Variants in CFAP221 observed in about 807,000 individuals in gnomAD.
The protein encoded by CFAP221 is cilia and flagella associated protein 221, also known as cilia- and flagella-associated protein 221.
CFAP221 carries 97 observed loss-of-function variants against 113.1 expected under a neutral mutation model. The observed-to-expected ratio is 0.86, with a 90% CI of 0.73 to 1.02. The LOEUF (loss-of-function observed/expected upper bound fraction) is 1.02, where lower values mean the gene tolerates loss of function less well. Ranked by LOEUF, CFAP221 falls within the 50% of genes least tolerant of loss-of-function variation. The pLI is 0.00. For missense variants in CFAP221, 1,025 were observed against 1,013.4 expected (o/e 1.01, Z -0.16); for synonymous variants, 331 against 354.4 (o/e 0.93, Z 0.74).
At chr2:119,546,035 A>G in intron 1 of CFAP221, 50 bp from the exon 2 acceptor site, 1 of 1,302,128 alleles carries the variant, frequency 7.7e-7, no homozygotes, top group Non-Finnish European at 1.0e-6. Context: ...AAGAGAAAAA[A>G]TGTGCGTGGT....
chr2:119,631,896 A>G (rs994602948), intron 19 of CFAP221, among the ~76,000 whole-genome samples: 1 of 152,240 alleles, frequency 6.6e-6, no homozygotes, highest in African/African-American at 2.4e-5. Context: ...TATGCCAGTA[A>G]ATTTGATGAC....
intron 19 of CFAP221, 146 bp from the exon 20 acceptor site, chr2:119,638,113 C>T: frequency 2.7e-6 from 2 of 734,312 alleles, no homozygotes; most frequent in Non-Finnish European, 4.3e-6. Context: ...CTCTGCTCTC[C>T]TGCTTCTCTT....
intron 6 of CFAP221, among the ~76,000 whole-genome samples, chr2:119,571,280 C>G (rs947733465): frequency 6.6e-6 from 1 of 151,398 alleles, no homozygotes; most frequent in Admixed American, 6.6e-5. Flanking sequence ...GCTGGGACTA[C>G]AGGTGTGCGA....
intron 19 of CFAP221, among the ~76,000 whole-genome samples, chr2:119,637,481 C>T (rs377394830): frequency 2.0e-5 from 3 of 152,232 alleles, no homozygotes; most frequent in South Asian, 4.1e-4. Context: ...GCGTTTTTAA[C>T]TTGTTTTTAA....
rs1440392558 is a variant in CFAP221 at position 119,567,716 on chromosome 2, A to G, written c.527+5602A>G. ...TACCAAACTATCTTCCAAAATGTCT[A>G]CAGTGATCTACTCTGATGATTTCCT... On this transcript the variant is annotated intron_variant, in intron 6 of 23. Coordinates refer to ENST00000413369, the MANE Select transcript of CFAP221 (RefSeq NM_001271049.2). Among the ~76,000 whole-genome samples the G allele has an allele frequency of 3.3e-5, 5 of 152,338 alleles. No individual in the cohort carries two copies. The South Asian group carries it at 1.0e-3, about 32-fold the overall frequency.
At chr2:119,637,576 C>T (rs1048896334) in intron 19 of CFAP221, among the ~76,000 whole-genome samples, 7 of 152,090 alleles carry the variant, frequency 4.6e-5, no homozygotes, top group African/African-American at 1.7e-4. Flanking sequence ...CAGGGAGGGG[C>T]GCTACGTTGT....
chr2:119,573,181 C>A (rs1460531440), intron 6 of CFAP221: 1 of 152,196 alleles, frequency 6.6e-6, no homozygotes, highest in Admixed American at 6.5e-5. Context: ...TTGCATTGTG[C>A]CAATAAACAG....
At chr2:119,640,214 C>A (rs202122462) in intron 21 of CFAP221, among the ~76,000 whole-genome samples, 108 of 143,212 alleles carry the variant, frequency 7.5e-4, no homozygotes, top group East Asian at 1.2e-3. Context: ...CATCTCAAAA[C>A]AAAAAAAAAA....
intron 19 of CFAP221, 83 bp from the exon 20 acceptor site, chr2:119,638,176 A>G (rs754567303): frequency 6.9e-7 from 1 of 1,453,854 alleles, no homozygotes; most frequent in South Asian, 1.2e-5. Flanking sequence ...TGGGAGCCAC[A>G]GACAGCATTA....
At position 119,638,328 on chromosome 2, in the gene CFAP221, C is replaced by T; in HGVS notation, c.2044C>T (p.Leu682=). ...TGCAGAAACGTTGATAGATTACCATCTATGCTCTCACCCCAAGTACAAATT... is the reference window on the plus strand; with the variant it reads ...TGCAGAAACGTTGATAGATTACCATTTATGCTCTCACCCCAAGTACAAATT... The part of the protein sequence containing the change: ...TYAETLIDYH[L]CSHPKYKFTK... The change falls in exon 20 of 24, where the codon CTA becomes TTA. Residue 682 remains leucine (L), a synonymous_variant. Coordinates refer to ENST00000413369, the MANE Select transcript of CFAP221 (RefSeq NM_001271049.2). 2 of 1,614,036 alleles carry T rather than the reference C, an allele frequency of 1.2e-6. No homozygotes were observed. The highest frequency in any genetic ancestry group is 2.7e-5 in the African/African-American group (2 of 75,052).
chr2:119,644,568 A>G (rs1687683575), intron 21 of CFAP221, among the ~76,000 whole-genome samples: 1 of 152,136 alleles, frequency 6.6e-6, no homozygotes, highest in Non-Finnish European at 1.5e-5. Flanking sequence ...GGGAAATGGG[A>G]TTAAAGACCA....
intron 6 of CFAP221, among the ~76,000 whole-genome samples, chr2:119,563,333 T>C (rs1303918894): frequency 6.6e-6 from 1 of 152,222 alleles, no homozygotes; most frequent in East Asian, 1.9e-4. Context: ...ACATGTTCAG[T>C]ACAGAGATAG....
intron 6 of CFAP221, among the ~76,000 whole-genome samples, chr2:119,586,314 C>G (rs1287213915): frequency 6.6e-6 from 1 of 152,126 alleles, no homozygotes; most frequent in Non-Finnish European, 1.5e-5. Context: ...TAGAATTACC[C>G]TGGAGAGCTC....
chr2:119,633,804 CA>C (rs1165724301), intron 19 of CFAP221, among the ~76,000 whole-genome samples: 8 of 151,962 alleles, frequency 5.3e-5, no homozygotes, highest in Non-Finnish European at 7.4e-5. Context: ...AGGCTATTAT[CA>C]AAAAAATAAA....
chr2:119,546,201 C>A lies in CFAP221; in HGVS notation c.70C>A (p.His24Asn). 1 of 1,535,760 alleles carries A rather than the reference C, an allele frequency of 6.5e-7. No homozygotes were observed. The highest frequency in any genetic ancestry group is 8.7e-7 in the Non-Finnish European group (1 of 1,146,750). ...AKEPFNNASPHLLKNLVEEPK... is the reference protein window; with the variant it reads ...AKEPFNNASPNLLKNLVEEPK... ...AGAACCCTTTAATAATGCATCACCC[C>A]ATCTCTTGAAGAACCTAGTGGAGGA... Residue 24 changes from histidine to asparagine, a missense_variant, in exon 2 of 24, where the codon CAT (histidine) becomes AAT (asparagine). His to Asn is a moderately conservative substitution (Grantham distance 68). Coordinates refer to ENST00000413369, the MANE Select transcript of CFAP221 (RefSeq NM_001271049.2).
At chr2:119,611,411 A>G (rs1295814281) in intron 12 of CFAP221, among the ~76,000 whole-genome samples, 1 of 124,152 alleles carries the variant, frequency 8.1e-6, no homozygotes, top group Non-Finnish European at 1.8e-5. Flanking sequence ...TGACAGAGCG[A>G]GACAACGTCA....
chr2:119,562,407 G>C (rs1681319869), intron 6 of CFAP221, among the ~76,000 whole-genome samples: 1 of 152,152 alleles, frequency 6.6e-6, no homozygotes, highest in South Asian at 2.1e-4. Context: ...GCAGGAGCCT[G>C]ACTCTCCCCA....
chr2:119,631,601 G>A (rs1002101810), intron 19 of CFAP221, among the ~76,000 whole-genome samples: 1 of 152,196 alleles, frequency 6.6e-6, no homozygotes, highest in Non-Finnish European at 1.5e-5. Flanking sequence ...CTTGAACCCA[G>A]GAGGAGGAGG....
chr2:119,621,471 TAGAA>T (rs1239833720), intron 14 of CFAP221, among the ~76,000 whole-genome samples: 1 of 152,078 alleles, frequency 6.6e-6, no homozygotes, highest in Non-Finnish European at 1.5e-5. Context: ...CTTTCAATAT[TAGAA>T]AGATCAATGG....
Sources: gnomAD v4.1 joint callset for allele counts (sites outside exome capture counted in the v4.1 genomes callset) on GRCh38, gnomAD v4.1.1 for gene constraint, MANE v1.5 for transcripts, NCBI Gene and HGNC (gene_info 2026-07-23, HGNC 2026-07-21) for gene names.